Variants in KIAA1614 observed in about 807,000 individuals in gnomAD.
KIAA1614 encodes the protein uncharacterized protein KIAA1614.
KIAA1614 carries 76 observed loss-of-function variants against 88.7 expected under a neutral mutation model. The observed-to-expected ratio is 0.86, with a 90% CI of 0.71 to 1.04. KIAA1614 has a LOEUF of 1.04. Among genes scored for constraint, KIAA1614 ranks in the 50% least tolerant of loss-of-function variants. The pLI is 0.00. For synonymous variants in KIAA1614, 714 were observed against 675.5 expected (o/e 1.06, Z -0.88); for missense variants, 1,553 against 1,582.5 (o/e 0.98, Z 0.32).
At chr1:180,923,134 C>G (rs1476781141) in intron 3 of KIAA1614, among the ~76,000 whole-genome samples, 1 of 152,242 alleles carries the variant, frequency 6.6e-6, no homozygotes, top group African/African-American at 2.4e-5. Flanking sequence ...ACAAGCCCAG[C>G]TGTCCTGAAG....
chr1:180,934,298 C>T (rs141432616), intron 4 of KIAA1614, among the ~76,000 whole-genome samples: 2 of 151,316 alleles, frequency 1.3e-5, no homozygotes, highest in East Asian at 3.9e-4. Context: ...AAAAGAAACC[C>T]TGACTTCAGG....
rs937635542 is a variant in KIAA1614, at chr1:180,937,663, G to C, written c.2762-892G>C. ...CTTGGCAACAGAGTGGAGGGAGAGA[G>C]GGCAGAGAGATGACAGACCTTATTG... On this transcript the variant is annotated intron_variant, in intron 5 of 8. Coordinates refer to ENST00000367588, the MANE Select transcript of KIAA1614 (RefSeq NM_020950.2). Among the ~76,000 whole-genome samples the C allele has an allele frequency of 2.0e-4, 30 of 152,210 alleles. 1 individual carries two copies. Among genetic ancestry groups the C allele is most frequent in the African/African-American group, 6.3e-4 (26 of 41,440 alleles).
intron 5 of KIAA1614, among the ~76,000 whole-genome samples, chr1:180,937,102 TA>T (rs1654351827): frequency 1.3e-5 from 2 of 152,268 alleles, no homozygotes; most frequent in Non-Finnish European, 1.5e-5. Flanking sequence ...AGATGTCCAC[TA>T]ATCACATGGC....
chr1:180,935,945 G>T lies in KIAA1614; in HGVS notation c.2036G>T (p.Arg679Met). Reference protein sequence around the residue: ...WGLQAQQHLPRADDVEVENEV... With the variant: ...WGLQAQQHLPMADDVEVENEV... ...CTTCAGGCCCAGCAACACCTGCCTA[G>T]GGCTGATGATGTGGAGGTGGAAAAT... is the stretch of plus-strand genomic sequence containing the variant. Residue 679 changes from arginine (R) to methionine (M), a missense_variant, in exon 5 of 9, where the codon AGG becomes ATG. By Grantham distance (91) the Arg-to-Met change is moderately conservative. Transcript: ENST00000367588. The surrounding 1 kb of genome is among the most constrained non-coding windows in gnomAD (Gnocchi z 6.1). The T allele has an allele frequency of 6.2e-7, 1 of 1,614,066 alleles. No individual in the cohort carries two copies. The highest frequency in any genetic ancestry group is 8.5e-7 in the Non-Finnish European group (1 of 1,179,932).
At chr1:180,922,625 A>G (rs1012703184) in intron 3 of KIAA1614, among the ~76,000 whole-genome samples, 2 of 152,200 alleles carry the variant, frequency 1.3e-5, no homozygotes, top group African/African-American at 2.4e-5. Context: ...TTAAAGCTTA[A>G]TATGTTAATT....
chr1:180,920,504 A>G (rs887730527), intron 3 of KIAA1614, among the ~76,000 whole-genome samples: 1 of 152,212 alleles, frequency 6.6e-6, no homozygotes, highest in Admixed American at 6.5e-5. Context: ...GACCTCACTC[A>G]TGAGGTCATG....
At chr1:180,944,842 A>G (rs1385475772) in intron 8 of KIAA1614, 2 of 262,524 alleles carry the variant, frequency 7.6e-6, no homozygotes, top group East Asian at 9.4e-5. Flanking sequence ...CCAGCTAAAG[A>G]TCTGAATAAA....
chr1:180,928,271 C>CAA (rs1654112759), intron 3 of KIAA1614, 159 bp from the exon 4 acceptor site: 1 of 888,460 alleles, frequency 1.1e-6, no homozygotes, highest in South Asian at 2.3e-5. Context: ...CCCAGGCCCC[C>CAA]AGGCTGGGTT....
intron 3 of KIAA1614, 37 bp from the exon 4 acceptor site, chr1:180,928,393 C>T: frequency 6.7e-7 from 1 of 1,488,352 alleles, no homozygotes; most frequent in East Asian, 2.6e-5. Flanking sequence ...TCCTCTAATC[C>T]CTCCCCCACC....
At chr1:180,938,319 C>G (rs561964875) in intron 5 of KIAA1614, among the ~76,000 whole-genome samples, 1 of 152,312 alleles carries the variant, frequency 6.6e-6, no homozygotes, top group East Asian at 1.9e-4. Context: ...AGACTCAGTC[C>G]CTGTCCTCAA....
At chr1:180,940,837 G>A (rs968128413) in intron 6 of KIAA1614, among the ~76,000 whole-genome samples, 8 of 151,672 alleles carry the variant, frequency 5.3e-5, no homozygotes, top group East Asian at 1.9e-4. Context: ...TCCATCTCCC[G>A]AGTAGCTGGG....
rs550707706 is a variant in KIAA1614 at position 180,948,374 on chromosome 1, C to T, written c.*2786C>T. On this transcript the variant is annotated 3_prime_UTR_variant, in exon 9 of 9. Coordinates refer to ENST00000367588, the MANE Select transcript of KIAA1614 (RefSeq NM_020950.2). The stretch of plus-strand genomic sequence containing the variant: ...CTGTGAGAACAGCAGGCTTTGCCTT[C>T]TGCTTCTAATTGGATACAACATAGA... 2 of 152,360 alleles carry T rather than the reference C, an allele frequency of 1.3e-5. No individual in the cohort carries two copies. The highest frequency in any genetic ancestry group is 3.9e-4 in the East Asian group (2 of 5,184). 9.4% of individuals were successfully genotyped at this position (152,360 alleles called of 1,614,324 possible).
At chr1:180,923,737 T>G (rs1418630639) in intron 3 of KIAA1614, among the ~76,000 whole-genome samples, 1 of 152,000 alleles carries the variant, frequency 6.6e-6, no homozygotes, top group Non-Finnish European at 1.5e-5. Context: ...CAAGGAGGCA[T>G]GGGGAGTCCC....
Position 180,935,370 on chromosome 1 carries a change from C to T in KIAA1614, c.1461C>T (p.Pro487=), listed in dbSNP as rs2102269595. The change falls in exon 5 of 9, where the codon CCC becomes CCT. Residue 487 remains proline (P), a synonymous_variant. Transcript: ENST00000367588. This position sits in a 1 kb window ranked among gnomAD's most constrained non-coding sequence, Gnocchi z 6.1. Reference sequence around the variant, plus strand: ...TGTTGCAGGCCGCGGACCAGGGCCCCCTGCGCTCCAAGCCCGACCTCGCCG... The same window carrying T: ...TGTTGCAGGCCGCGGACCAGGGCCCTCTGCGCTCCAAGCCCGACCTCGCCG... The part of the protein sequence containing the change: ...STVLQAADQG[P]LRSKPDLADY... 6.8e-7 allele frequency: 1 copy of T among 1,464,574 alleles called. No individual in the cohort carries two copies. The highest frequency in any genetic ancestry group is 9.0e-7 in the Non-Finnish European group (1 of 1,114,204). The allele number at this position is 1,464,574 out of a possible 1,614,324, so 90.7% of individuals were successfully genotyped here. A position where few individuals can be genotyped will look rare whatever the true frequency, so the allele number is the denominator to read the frequency against.
chr1:180,917,830 TG>T lies in KIAA1614; in HGVS notation c.998-20del, dbSNP rs748636289. On this transcript the variant is annotated intron_variant, in intron 2 of 8. Coordinates refer to ENST00000367588, the MANE Select transcript of KIAA1614 (RefSeq NM_020950.2). ...CTGTTTCTGGCTCTGTCCTGATCTCTGCTTCTGTTCTGGATCCTAGAGCGAC... is the reference window on the plus strand; with the variant it reads ...CTGTTTCTGGCTCTGTCCTGATCTCTCTTCTGTTCTGGATCCTAGAGCGAC... 9 of 1,611,380 alleles carry T rather than the reference TG, an allele frequency of 5.6e-6. No homozygotes were observed. The highest frequency in any genetic ancestry group is 7.6e-6 in the Non-Finnish European group (9 of 1,177,530).
In KIAA1614 at chr1:180,945,372, C is replaced by T. The variant is rs752012445; in HGVS notation, c.3357C>T (p.Thr1119=). The T allele has an allele frequency of 6.3e-6, 10 of 1,599,022 alleles. No homozygotes were observed. The highest frequency in any genetic ancestry group is 2.7e-5 in the African/African-American group (2 of 73,946). Residue 1119 remains threonine (T), a synonymous_variant, in exon 9 of 9, where the codon ACC becomes ACT. Transcript: ENST00000367588. Reference sequence around the variant, plus strand: ...TGGGTGCTCCCAGCCTGGCTCGCACCGTGGGCCGCCTGGTGGAGGTGTTCC... The same window carrying T: ...TGGGTGCTCCCAGCCTGGCTCGCACTGTGGGCCGCCTGGTGGAGGTGTTCC... ...EDVGAPSLAR[T]VGRLVEVFPD...
chr1:180,938,797 C>T (rs1302393471), intron 6 of KIAA1614, 86 bp downstream of exon 6: 5 of 1,267,424 alleles, frequency 3.9e-6, no homozygotes, highest in Non-Finnish European at 5.6e-6. Context: ...GGAGTGGTGG[C>T]ATGACCCACC....
rs755599798 is a variant in KIAA1614 at position 180,950,571 on chromosome 1, A to G, written c.*4983A>G. On this transcript the variant is annotated 3_prime_UTR_variant, in exon 9 of 9. Coordinates refer to ENST00000367588, the MANE Select transcript of KIAA1614 (RefSeq NM_020950.2). ...GCTGCCCTCACTGTCACGGCCTCGG[A>G]AGCCCTGAAGCACTCAGGGTGGTTG... 1.2e-5 allele frequency: 13 copies of G among 1,059,374 alleles called. No individual in the cohort carries two copies. Among genetic ancestry groups the G allele is most frequent in the Non-Finnish European group, 1.5e-5 (13 of 865,136 alleles). The allele number at this position is 1,059,374 out of a possible 1,614,324, so 65.6% of individuals were successfully genotyped here.
intron 3 of KIAA1614, among the ~76,000 whole-genome samples, chr1:180,922,404 C>T (rs1263519735): frequency 6.6e-6 from 1 of 152,108 alleles, no homozygotes; most frequent in African/African-American, 2.4e-5. Context: ...TGTGAGTGAT[C>T]GAGGACCAAA....
Sources: gnomAD v4.1 joint callset for allele counts (sites outside exome capture counted in the v4.1 genomes callset) on GRCh38, gnomAD v4.1.1 for gene constraint, Gnocchi (gnomAD v3.1) non-coding constraint, MANE v1.5 for transcripts, NCBI Gene and HGNC (gene_info 2026-07-23, HGNC 2026-07-21) for gene names.